The following SNRNP40 variants were observed in gnomAD, a reference collection of about 807,000 sequenced individuals.
SNRNP40 encodes the protein small nuclear ribonucleoprotein U5 subunit 40.
A neutral mutation model predicts 45.8 loss-of-function variants in SNRNP40; 21 were observed. The ratio of observed to expected loss-of-function variants is 0.46; its 90% confidence interval spans 0.32 to 0.66. The LOEUF is 0.66. Among genes scored for constraint, SNRNP40 ranks in the 30% least tolerant of loss-of-function variants. The probability of loss-of-function intolerance (pLI) is 0.03; values close to 1 mark genes in which losing one functional copy is unlikely to be tolerated. For missense variants in SNRNP40, 344 were observed against 439.1 expected (o/e 0.78, Z 1.94); for synonymous variants, 142 against 163.8 (o/e 0.87, Z 1.01).
intron 1 of SNRNP40, among the ~76,000 whole-genome samples, chr1:31,295,462 C>T (rs910088398): frequency 2.0e-5 from 3 of 152,078 alleles, no homozygotes; most frequent in South Asian, 2.1e-4. Context: ...GGCAAATATT[C>T]GCAGGAGCTG....
At chr1:31,293,379 T>C (rs374456577) in intron 1 of SNRNP40, 31 bp from the exon 2 acceptor site, 6 of 1,574,728 alleles carry the variant, frequency 3.8e-6, no homozygotes, top group Non-Finnish European at 5.2e-6. Flanking sequence ...AGGTAACTAC[T>C]GCATACAGAC....
In SNRNP40 at chr1:31,271,343, C is replaced by T. The variant is rs1350884125; in HGVS notation, c.775+36G>A. ...TCTGTGAGCAATCTTTGACTTTTTC[C>T]TTGGATCCTGGGAGAGATTTCCTTT... On this transcript the variant is annotated intron_variant, in intron 6 of 9. Transcript: ENST00000263694. The T allele has an allele frequency of 8.2e-6, 13 of 1,591,880 alleles. No homozygotes were observed. In the East Asian group the frequency reaches 2.7e-4, roughly 33 times the overall value.
intron 8 of SNRNP40, among the ~76,000 whole-genome samples, chr1:31,264,356 AC>A (rs1415940333): frequency 2.0e-5 from 3 of 152,182 alleles, no homozygotes; most frequent in Non-Finnish European, 4.4e-5. Flanking sequence ...CTTGTCATGC[AC>A]AAAAAGCTGG....
intron 4 of SNRNP40, among the ~76,000 whole-genome samples, chr1:31,283,581 C>CT (rs1646035205): frequency 6.6e-6 from 1 of 152,098 alleles, no homozygotes; most frequent in African/African-American, 2.4e-5. Context: ...CCAGCCTGGG[C>CT]TACAGAGCGA....
At chr1:31,265,539 T>C (rs1231583691) in intron 8 of SNRNP40, among the ~76,000 whole-genome samples, 1 of 152,186 alleles carries the variant, frequency 6.6e-6, no homozygotes, top group Non-Finnish European at 1.5e-5. Context: ...TATGTAAATA[T>C]AATTTAAAAA....
chr1:31,284,854 G>A (rs745569411), intron 4 of SNRNP40, among the ~76,000 whole-genome samples: 1 of 152,074 alleles, frequency 6.6e-6, no homozygotes, highest in Non-Finnish European at 1.5e-5. Context: ...CAGATAAATG[G>A]TCTAAAAAGA....
In SNRNP40 at chr1:31,281,247, T is replaced by C. The variant is rs1004032640; in HGVS notation, c.654+127A>G. Reference sequence around the variant, plus strand: ...GAAGACAGGAGAAAAAGAAAATAAGTTCCAAGTTACTATTTTCCTTTCAGT... The same window carrying C: ...GAAGACAGGAGAAAAAGAAAATAAGCTCCAAGTTACTATTTTCCTTTCAGT... On this transcript the variant is annotated intron_variant, in intron 5 of 9. Transcript: ENST00000263694. The C allele has an allele frequency of 1.2e-5, 8 of 693,778 alleles. No individual in the cohort carries two copies. In the East Asian group the frequency reaches 1.9e-4, roughly 16 times the overall value. 43.0% of individuals were successfully genotyped at this position (693,778 alleles called of 1,614,324 possible).
At chr1:31,280,021 T>C (rs558944044) in intron 5 of SNRNP40, among the ~76,000 whole-genome samples, 12 of 143,750 alleles carry the variant, frequency 8.3e-5, no homozygotes, top group African/African-American at 3.1e-4. Flanking sequence ...GGCAGGAGAA[T>C]TGCTTGAACT....
At position 31,271,411 on chromosome 1, in the gene SNRNP40, G is replaced by C; in HGVS notation, c.743C>G (p.Ser248Cys). ...GTCCATTGCATTGGACAAAAGATAA[G>C]AGCCTTCAGAACTTAAACTCAGGCC... ...VTGLSLSSEG[S>C]YLLSNAMDNT... The change falls in exon 6 of 10, where the codon TCT becomes TGT. Residue 248 changes from serine to cysteine, a missense_variant. Physicochemically the swap from Ser to Cys is moderately radical, Grantham distance 112 (BLOSUM62 -1). Transcript: ENST00000263694. 1 of 1,613,856 alleles carries C rather than the reference G, an allele frequency of 6.2e-7. No homozygotes were observed. The highest frequency in any genetic ancestry group is 8.5e-7 in the Non-Finnish European group (1 of 1,179,922).
chr1:31,270,826 C>T (rs2148382604), intron 6 of SNRNP40, among the ~76,000 whole-genome samples: 1 of 152,288 alleles, frequency 6.6e-6, no homozygotes, highest in South Asian at 2.1e-4. Flanking sequence ...TCCAGCAAGT[C>T]ACCTTACTTT....
At chr1:31,264,961 C>A (rs532344008) in intron 8 of SNRNP40, among the ~76,000 whole-genome samples, 1 of 152,238 alleles carries the variant, frequency 6.6e-6, no homozygotes, top group South Asian at 2.1e-4. Context: ...GGTTCCTTGC[C>A]CTCTCCTTAC....
At chr1:31,289,467 G>C in intron 3 of SNRNP40, 48 bp from the exon 4 acceptor site, 1 of 1,539,166 alleles carries the variant, frequency 6.5e-7, no homozygotes, top group South Asian at 1.1e-5. Context: ...AAGATAAACA[G>C]TAACAATCTA....
In SNRNP40 at chr1:31,260,137, C is replaced by G; in HGVS notation, c.1025-16G>C. On this transcript the variant is annotated splice_polypyrimidine_tract_variant and intron_variant, in intron 9 of 9. Coordinates refer to ENST00000263694, the MANE Select transcript of SNRNP40 (RefSeq NM_004814.3). ...GCTGAGATAACTGAGGTAAAAAGAA[C>G]AGATAACTAGAAATAATGAAGGCTC... 6.4e-7 allele frequency: 1 copy of G among 1,559,052 alleles called. No homozygotes were observed. The highest frequency in any genetic ancestry group is 8.7e-7 in the Non-Finnish European group (1 of 1,149,530).
rs117616673 is a variant in SNRNP40, at chr1:31,295,151, A to G, written c.141+1460T>C. The stretch of plus-strand genomic sequence containing the variant: ...ATGCCTGTAATCTCAGCATTTTGGG[A>G]GGCCAAGGTGTGCGGATTGCTTGAG... On this transcript the variant is annotated intron_variant, in intron 1 of 9. Transcript: ENST00000263694. Among the ~76,000 whole-genome samples, 921 of 152,194 alleles carry G rather than the reference A, an allele frequency of 6.1e-3. 72 individuals carry two copies. In the East Asian group the frequency reaches 0.15, roughly 24 times the overall value.
At chr1:31,280,834 T>C (rs576640568) in intron 5 of SNRNP40, among the ~76,000 whole-genome samples, 2 of 152,054 alleles carry the variant, frequency 1.3e-5, no homozygotes, top group Admixed American at 1.3e-4. Flanking sequence ...AAGAAGGTGC[T>C]TGAAGTCACA....
chr1:31,278,509 T>C (rs77333422), intron 5 of SNRNP40, among the ~76,000 whole-genome samples: 1 of 152,348 alleles, frequency 6.6e-6, no homozygotes, highest in East Asian at 1.9e-4. Flanking sequence ...TTGATGACAT[T>C]AATCTATTTT....
At chr1:31,263,833 AC>A (rs1645877538) in intron 8 of SNRNP40, among the ~76,000 whole-genome samples, 1 of 151,272 alleles carries the variant, frequency 6.6e-6, no homozygotes, top group Admixed American at 6.6e-5. Flanking sequence ...CACAGAAACT[AC>A]AGAGCTGAAC....
In SNRNP40 at chr1:31,296,620, C is replaced by T. The variant is rs765683508; in HGVS notation, c.132G>A (p.Leu44=). ...CTGCTTCTTCACTTACCGCTTGCAG[C>T]AAGGCTCCCGGCGTCGCCTGCTGCT... ...AGQQQATPGA[L]LQAGPPRCSS... Residue 44 remains leucine (L), a synonymous_variant, in exon 1 of 10, where the codon TTG becomes TTA. Coordinates refer to ENST00000263694, the MANE Select transcript of SNRNP40 (RefSeq NM_004814.3). The T allele has an allele frequency of 1.9e-6, 3 of 1,611,122 alleles. No homozygotes were observed. The highest frequency in any genetic ancestry group is 1.7e-5 in the Admixed American group (1 of 59,158).
In SNRNP40 at chr1:31,289,393, T is replaced by C. The variant is rs776907130; in HGVS notation, c.392A>G (p.Lys131Arg). Reference sequence around the variant, plus strand: ...TTCACTATCCCACACAGCCACGGTTTTATCTGTGGATGCTGAGAAAAGCAT... The same window carrying C: ...TTCACTATCCCACACAGCCACGGTTCTATCTGTGGATGCTGAGAAAAGCAT... ...GSMLFSASTD[K>R]TVAVWDSETG... is the part of the protein sequence containing the mutation. Residue 131 changes from lysine to arginine, a missense_variant, in exon 4 of 10, where the codon AAA becomes AGA. Around this residue, in one of 2 missense-constraint regions of SNRNP40, gnomAD observed 254 missense variants for 380.2 expected, o/e 0.67. Coordinates refer to ENST00000263694, the MANE Select transcript of SNRNP40 (RefSeq NM_004814.3). 1 of 1,613,976 alleles carries C rather than the reference T, an allele frequency of 6.2e-7. No homozygotes were observed. The highest frequency in any genetic ancestry group is 2.2e-5 in the East Asian group (1 of 44,884).
Sources: allele counts gnomAD v4.1 joint callset (sites outside exome capture counted in the v4.1 genomes callset), GRCh38; gene constraint gnomAD v4.1.1; regional missense constraint gnomAD v4.1.1; transcripts MANE v1.5; gene names NCBI Gene and HGNC (gene_info 2026-07-23, HGNC 2026-07-21).